NT5C: variants seen among roughly 807,000 people sequenced by gnomAD.
NT5C encodes 5'(3')-deoxyribonucleotidase, cytosolic type.
A neutral mutation model predicts 17.6 loss-of-function variants in NT5C; 14 were observed. That is an observed-to-expected ratio of 0.79 (90% CI 0.52 to 1.24). The LOEUF is 1.24. NT5C is among the 50% of genes most tolerant of loss of function. NT5C has a pLI of 0.00. For synonymous variants in NT5C, 153 were observed against 119.2 expected (o/e 1.28, Z -1.85); for missense variants, 328 against 278.3 (o/e 1.18, Z -1.27).
At chr17:75,131,127 C>T (rs1414474766) in intron 2 of NT5C, 22 bp from the exon 3 acceptor site, 18 of 1,612,654 alleles carry the variant, frequency 1.1e-5, no homozygotes, top group Non-Finnish European at 1.5e-5. Context: ...GACGCGGTTA[C>T]CGCCGGGAGC....
chr17:75,131,291 A>G lies in NT5C; in HGVS notation c.175-10T>C, dbSNP rs759326441. ...CACTGGCCACTTTATCCTGAAAGAC[A>G]AGAGTTCTGGGTCCCGGCTTCCCGT... is the stretch of plus-strand genomic sequence containing the variant. On this transcript the variant is annotated splice_polypyrimidine_tract_variant and intron_variant, in intron 1 of 4. Coordinates refer to ENST00000245552, the MANE Select transcript of NT5C (RefSeq NM_014595.3). 13 of 1,612,992 alleles carry G rather than the reference A, an allele frequency of 8.1e-6. No individual in the cohort carries two copies. The Admixed American group carries it at 2.0e-4, about 25-fold the overall frequency.
rs997841078 is a variant in NT5C at position 75,131,687 on chromosome 17, C to T, written c.21G>A (p.Val7=). The T allele has an allele frequency of 1.2e-5, 16 of 1,312,424 alleles. No individual in the cohort carries two copies. Among genetic ancestry groups the T allele is most frequent in the African/African-American group, 7.7e-5 (5 of 65,052 alleles). 81.3% of individuals were successfully genotyped at this position (1,312,424 alleles called of 1,614,324 possible). MARSVR[V]LVDMDGVLAD... Reference sequence around the variant, plus strand: ...CCAGGACGCCGTCCATGTCCACCAGCACGCGCACGCTCCGCGCCATCGCCG... The same window carrying T: ...CCAGGACGCCGTCCATGTCCACCAGTACGCGCACGCTCCGCGCCATCGCCG... Residue 7 remains valine, a synonymous_variant, in exon 1 of 5, where the codon GTG becomes GTA. Transcript: ENST00000245552.
At position 75,130,581 on chromosome 17, in the gene NT5C, C is replaced by T; in HGVS notation, c.513G>A (p.Leu171=). The change falls in exon 5 of 5, where the codon CTG becomes CTA. Residue 171 remains leucine (L), a synonymous_variant. Coordinates refer to ENST00000245552, the MANE Select transcript of NT5C (RefSeq NM_014595.3). ...ILFTCCHNRH[L]VLPPTRRRLL... ...GCCGTCTCCTTGTCGGGGGCAGGAC[C>T]AGGTGCCGATTGTGGCAGCAGGTGA... The T allele has an allele frequency of 1.2e-6, 2 of 1,614,212 alleles. No homozygotes were observed. Among genetic ancestry groups the T allele is most frequent in the African/African-American group, 1.3e-5 (1 of 75,064 alleles).
chr17:75,131,565 T>G lies in NT5C; in HGVS notation c.143A>C (p.Glu48Ala). Residue 48 changes from glutamate (E) to alanine (A), a missense_variant, in exon 1 of 5, where the codon GAG becomes GCG. Coordinates refer to ENST00000245552, the MANE Select transcript of NT5C (RefSeq NM_014595.3). ...LEQRRGFLAREQYRALRPDLA... is the reference protein window; with the variant it reads ...LEQRRGFLARAQYRALRPDLA... ...GTCGGGCCGCAGGGCGCGGTACTGC[T>G]CGCGGGCCAGGAAGCCGCGGCGTTG... 7.2e-7 allele frequency: 1 copy of G among 1,395,856 alleles called. No homozygotes were observed. Among genetic ancestry groups the G allele is most frequent in the Non-Finnish European group, 9.2e-7 (1 of 1,083,978 alleles). 86.5% of individuals were successfully genotyped at this position (1,395,856 alleles called of 1,614,324 possible). A position where few individuals can be genotyped will look rare whatever the true frequency, so the allele number is the denominator to read the frequency against.
rs746872020 is a variant in NT5C, at chr17:75,130,301, G to A, written c.*187C>T. The stretch of plus-strand genomic sequence containing the variant: ...TATTTCCATGCCAGCCAGGGTCCAG[G>A]GACAGCCTCTCGGGAGGTACCGGGT... On this transcript the variant is annotated 3_prime_UTR_variant, in exon 5 of 5. Transcript: ENST00000245552. 9.2e-6 allele frequency: 6 copies of A among 654,358 alleles called. No homozygotes were observed. The highest frequency in any genetic ancestry group is 1.6e-5 in the Non-Finnish European group (6 of 380,394). 40.5% of individuals were successfully genotyped at this position (654,358 alleles called of 1,614,324 possible).
Position 75,131,266 on chromosome 17 carries a change from CACTGGCCACTTTATCCTGAAAG to C in NT5C, c.175-7_189del, listed in dbSNP as rs2074118952. On this transcript the variant is annotated splice_acceptor_variant and splice_polypyrimidine_tract_variant and coding_sequence_variant and intron_variant, in exon 2 of 5. Coordinates refer to ENST00000245552, the MANE Select transcript of NT5C (RefSeq NM_014595.3). LOFTEE classifies it high-confidence loss of function. The stretch of plus-strand genomic sequence containing the variant: ...AGGAAAAAGCCCGGGGCTTCGTACA[CACTGGCCACTTTATCCTGAAAG>C]ACAAGAGTTCTGGGTCCCGGCTTCC... 5 of 1,613,876 alleles carry C rather than the reference CACTGGCCACTTTATCCTGAAAG, an allele frequency of 3.1e-6. No homozygotes were observed. Among genetic ancestry groups the C allele is most frequent in the Non-Finnish European group, 4.2e-6 (5 of 1,180,030 alleles).
chr17:75,131,172 T>G lies in NT5C; in HGVS notation c.275+9A>C. 1 of 1,613,026 alleles carries G rather than the reference T, an allele frequency of 6.2e-7. No homozygotes were observed. Among genetic ancestry groups the G allele is most frequent in the Non-Finnish European group, 8.5e-7 (1 of 1,179,860 alleles). On this transcript the variant is annotated intron_variant, in intron 2 of 4. Transcript: ENST00000245552. ...GCCCAGGACTCCGCCCGCCCCCCTC[T>G]CTCCTTACTCCGGTAGGTCGTTCAT...
Position 75,131,499 on chromosome 17 carries a change from G to A in NT5C, c.174+35C>T, listed in dbSNP as rs1254817092. On this transcript the variant is annotated intron_variant, in intron 1 of 4. Transcript: ENST00000245552. ...GGGAGACCCCCGGAACGGAGCGAGCGGGCCCTGCCCGGGTGGGGACCCTGC... is the reference window on the plus strand; with the variant it reads ...GGGAGACCCCCGGAACGGAGCGAGCAGGCCCTGCCCGGGTGGGGACCCTGC... 3.5e-6 allele frequency: 5 copies of A among 1,430,326 alleles called. No homozygotes were observed. The South Asian group carries it at 4.5e-5, about 13-fold the overall frequency. The allele number at this position is 1,430,326 out of a possible 1,614,324, so 88.6% of individuals were successfully genotyped here. A position where few individuals can be genotyped will look rare whatever the true frequency, so the allele number is the denominator to read the frequency against.
At chr17:75,130,928 A>G in intron 3 of NT5C, 61 bp from the exon 4 acceptor site, 2 of 1,612,378 alleles carry the variant, frequency 1.2e-6, no homozygotes, top group African/African-American at 1.3e-5. Flanking sequence ...AGGGATAGGG[A>G]CTTGGCTCTA....
At position 75,131,722 on chromosome 17, in the gene NT5C, A is replaced by G. The variant is rs920053619; in HGVS notation, c.-15T>C. The G allele has an allele frequency of 8.7e-6, 11 of 1,269,902 alleles. No individual in the cohort carries two copies. The African/African-American group carries it at 1.2e-4, about 14-fold the overall frequency. 78.7% of individuals were successfully genotyped at this position (1,269,902 alleles called of 1,614,324 possible). A position where few individuals can be genotyped will look rare whatever the true frequency, so the allele number is the denominator to read the frequency against. The stretch of plus-strand genomic sequence containing the variant: ...CTCCGCGCCATCGCCGCCGGGCCGG[A>G]GCTGCGAGCTCTCGGGGTCTGGGGG... On this transcript the variant is annotated 5_prime_UTR_variant, in exon 1 of 5. Transcript: ENST00000245552.
In NT5C at chr17:75,130,860, C is replaced by A. The variant is rs1198313304; in HGVS notation, c.344G>T (p.Trp115Leu). 6.2e-7 allele frequency: 1 copy of A among 1,614,146 alleles called. No homozygotes were observed. Among genetic ancestry groups the A allele is most frequent in the South Asian group, 1.1e-5 (1 of 91,082 alleles). ...YHHCVGEKYR[W>L]VEQHLGPQFV... is the part of the protein sequence containing the mutation. Reference sequence around the variant, plus strand: ...CTGGGGCCCCAGGTGCTGCTCCACCCAGCGGTACTGTGTAGAAAACACAGT... The same window carrying A: ...CTGGGGCCCCAGGTGCTGCTCCACCAAGCGGTACTGTGTAGAAAACACAGT... Residue 115 changes from tryptophan to leucine, a missense_variant, in exon 4 of 5, where the codon TGG becomes TTG. Physicochemically the swap from Trp to Leu is moderately conservative, Grantham distance 61. Coordinates refer to ENST00000245552, the MANE Select transcript of NT5C (RefSeq NM_014595.3).
In NT5C at chr17:75,131,015, A is replaced by T. The variant is rs3736076; in HGVS notation, c.336+30T>A. On this transcript the variant is annotated intron_variant, in intron 3 of 4. Coordinates refer to ENST00000245552, the MANE Select transcript of NT5C (RefSeq NM_014595.3). ...TTAAAATCAGGATTTAGGCAGCTCC[A>T]CGTGCGGAGTAGGGGCGGGGCAGCC... 13,606 of 1,609,072 alleles carry T rather than the reference A, an allele frequency of 8.5e-3. 677 individuals are homozygous for T. The Admixed American group carries it at 0.12, about 15-fold the overall frequency.
Position 75,131,556 on chromosome 17 carries a change from C to T in NT5C, c.152G>A (p.Arg51His). The T allele has an allele frequency of 7.2e-7, 1 of 1,396,750 alleles. No individual in the cohort carries two copies. Among genetic ancestry groups the T allele is most frequent in the South Asian group, 1.6e-5 (1 of 62,682 alleles). The allele number at this position is 1,396,750 out of a possible 1,614,324, so 86.5% of individuals were successfully genotyped here. ...TACCGCCAGGTCGGGCCGCAGGGCG[C>T]GGTACTGCTCGCGGGCCAGGAAGCC... ...RRGFLAREQY[R>H]ALRPDLADKV... is the part of the protein sequence containing the mutation. Residue 51 changes from arginine to histidine, a missense_variant, in exon 1 of 5, where the codon CGC becomes CAC. By Grantham distance (29) the Arg-to-His change is conservative. Coordinates refer to ENST00000245552, the MANE Select transcript of NT5C (RefSeq NM_014595.3).
At chr17:75,130,975 T>C (rs763453453) in intron 3 of NT5C, 70 bp downstream of exon 3, 4 of 1,600,424 alleles carry the variant, frequency 2.5e-6, no homozygotes, top group East Asian at 2.3e-5. Context: ...CTTCTGGGTT[T>C]CTGGTGGTTT....
At position 75,130,759 on chromosome 17, in the gene NT5C, C is replaced by T. The variant is rs780900232; in HGVS notation, c.445G>A (p.Val149Ile). The T allele has an allele frequency of 6.8e-6, 11 of 1,614,186 alleles. No homozygotes were observed. Among genetic ancestry groups the T allele is most frequent in the Non-Finnish European group, 9.3e-6 (11 of 1,180,004 alleles). Residue 149 changes from valine to isoleucine, a missense_variant, in exon 4 of 5, where the codon GTT becomes ATT. Val to Ile is a conservative substitution (Grantham distance 29, BLOSUM62 3). Coordinates refer to ENST00000245552, the MANE Select transcript of NT5C (RefSeq NM_014595.3). Reference sequence around the variant, plus strand: ...CAAGGATAACGGGTCCAACCTCGAACTGTGTCCTTGTCATCAATGAGCAGG... The same window carrying T: ...CAAGGATAACGGGTCCAACCTCGAATTGTGTCCTTGTCATCAATGAGCAGG... ...GDLLIDDKDT[V>I]RGQEETPSWE...
rs761900464 is a variant in NT5C, at chr17:75,131,598, G to C, written c.110C>G (p.Pro37Arg). ...RRRFPEEPHV[P>R]LEQRRGFLAR... is the part of the protein sequence containing the mutation. ...CAGGAAGCCGCGGCGTTGCTCCAGC[G>C]GCACGTGCGGCTCCTCAGGGAAGCG... The change falls in exon 1 of 5, where the codon CCG becomes CGG. Residue 37 changes from proline (P) to arginine (R), a missense_variant. Transcript: ENST00000245552. 4 of 1,395,884 alleles carry C rather than the reference G, an allele frequency of 2.9e-6. No individual in the cohort carries two copies. The highest frequency in any genetic ancestry group is 1.6e-5 in the South Asian group (1 of 63,640). 86.5% of individuals were successfully genotyped at this position (1,395,884 alleles called of 1,614,324 possible).
chr17:75,131,154 A>G, intron 2 of NT5C, 27 bp downstream of exon 2: 2 of 1,611,068 alleles, frequency 1.2e-6, no homozygotes, highest in Non-Finnish European at 1.7e-6. Context: ...CCCGCCCAGG[A>G]CTCCGCCCGC....
At position 75,130,796 on chromosome 17, in the gene NT5C, C is replaced by A. The variant is rs1303425890; in HGVS notation, c.408G>T (p.Val136=). 1.2e-6 allele frequency: 2 copies of A among 1,614,158 alleles called. No individual in the cohort carries two copies. Among genetic ancestry groups the A allele is most frequent in the Non-Finnish European group, 1.7e-6 (2 of 1,180,018 alleles). Residue 136 remains valine (V), a synonymous_variant, in exon 4 of 5, where the codon GTG becomes GTT. Coordinates refer to ENST00000245552, the MANE Select transcript of NT5C (RefSeq NM_014595.3). ...CATCAATGAGCAGGTCCCCCAAGAC[C>A]ACCGTCTTGTCCCTTGTCAGGATAA... ...ERIILTRDKT[V]VLGDLLIDDK...
intron 1 of NT5C, 49 bp from the exon 2 acceptor site, chr17:75,131,330 C>T (rs755430577): frequency 4.4e-6 from 7 of 1,584,090 alleles, no homozygotes; most frequent in Non-Finnish European, 6.0e-6. Context: ...CGCGAGGACC[C>T]GCAGGGAGGC....
Sources: allele counts gnomAD v4.1 joint callset, GRCh38; gene constraint gnomAD v4.1.1; transcripts MANE v1.5; gene names NCBI Gene and HGNC (gene_info 2026-07-23, HGNC 2026-07-21).